The following ADGRL2 variants were observed in gnomAD, a reference collection of about 807,000 sequenced individuals.
The protein encoded by ADGRL2 is adhesion G protein-coupled receptor L2, also known as calcium-independent alpha-latrotoxin receptor 2.
Under a neutral mutation model 157.4 loss-of-function variants are expected in ADGRL2, and 44 were observed. That is an observed-to-expected ratio of 0.28 (90% CI 0.22 to 0.36). The LOEUF (loss-of-function observed/expected upper bound fraction) is 0.36. Among genes scored for constraint, ADGRL2 ranks in the 10% least tolerant of loss-of-function variants. The pLI is 1.00. For synonymous variants in ADGRL2, 585 were observed against 624.7 expected (o/e 0.94, Z 0.95); for missense variants, 1,510 against 1,768.9 (o/e 0.85, Z 2.63).
chr1:81,456,371 A>T (rs183395701), intron 2 of ADGRL2, among the ~76,000 whole-genome samples: 2 of 152,056 alleles, frequency 1.3e-5, no homozygotes, highest in East Asian at 3.9e-4. Context: ...AGTGTGTGCC[A>T]CCATATCCAG....
chr1:81,366,843 T>C (rs967076351), intron 1 of ADGRL2, among the ~76,000 whole-genome samples: 2 of 152,226 alleles, frequency 1.3e-5, no homozygotes, highest in East Asian at 3.8e-4. Flanking sequence ...GTTTTCCTGC[T>C]TCTTTGATCA....
intron 1 of ADGRL2, among the ~76,000 whole-genome samples, chr1:81,710,607 G>A (rs530693384): frequency 1.4e-5 from 2 of 138,988 alleles, no homozygotes; most frequent in African/African-American, 2.7e-5. Flanking sequence ...GTGACAGAGA[G>A]AGACTCTGCT....
chr1:81,733,728 C>G (rs567905530), intron 1 of ADGRL2, among the ~76,000 whole-genome samples: 9 of 152,228 alleles, frequency 5.9e-5, no homozygotes, highest in African/African-American at 1.9e-4. Flanking sequence ...GCTAATAGCT[C>G]TGTGCACTTG....
At chr1:81,827,171 G>A (rs1483928137) in intron 1 of ADGRL2, among the ~76,000 whole-genome samples, 1 of 152,156 alleles carries the variant, frequency 6.6e-6, no homozygotes, top group African/African-American at 2.4e-5. Flanking sequence ...AATAAGATTG[G>A]TGATGTTGGC....
chr1:81,723,915 T>G (rs1177831957), intron 1 of ADGRL2, among the ~76,000 whole-genome samples: 1 of 152,136 alleles, frequency 6.6e-6, no homozygotes, highest in Admixed American at 6.6e-5. Context: ...TATTTCCACA[T>G]AGGGGAAATG....
chr1:81,843,936 T>G (rs1478724808), intron 2 of ADGRL2, among the ~76,000 whole-genome samples: 3 of 152,106 alleles, frequency 2.0e-5, no homozygotes, highest in Admixed American at 6.6e-5. Context: ...AAAACTTTGT[T>G]TATCCACAGT....
At chr1:81,749,891 C>T (rs1008261638) in intron 1 of ADGRL2, among the ~76,000 whole-genome samples, 3 of 151,982 alleles carry the variant, frequency 2.0e-5, no homozygotes, top group Admixed American at 1.3e-4. Flanking sequence ...TTATAATTGG[C>T]CAATTTCCCT....
At chr1:81,800,851 G>A (rs1380872967), upstream of ADGRL2, among the ~76,000 whole-genome samples, 5 of 149,912 alleles carry the variant, frequency 3.3e-5, no homozygotes, top group Non-Finnish European at 7.4e-5. Flanking sequence ...GGACCTGGGG[G>A]TAGGGGGAGC....
At chr1:81,792,590 G>C (rs982462438) in intron 2 of ADGRL2, among the ~76,000 whole-genome samples, 3 of 152,110 alleles carry the variant, frequency 2.0e-5, no homozygotes, top group African/African-American at 7.2e-5. Flanking sequence ...CATTTTATAT[G>C]AAGTGGCAAA....
chr1:81,523,076 T>C (rs1228989689), intron 2 of ADGRL2, among the ~76,000 whole-genome samples: 1 of 151,956 alleles, frequency 6.6e-6, no homozygotes, highest in Non-Finnish European at 1.5e-5. Flanking sequence ...AACAAAAATA[T>C]GAGCAAACAC....
intron 2 of ADGRL2, among the ~76,000 whole-genome samples, chr1:81,779,044 G>C (rs1360169061): frequency 6.6e-6 from 1 of 151,880 alleles, no homozygotes; most frequent in African/African-American, 2.4e-5. Flanking sequence ...CCTTTATTTT[G>C]TCTTTCAATT....
intron 2 of ADGRL2, among the ~76,000 whole-genome samples, chr1:81,901,597 G>C (rs943232336): frequency 1.3e-5 from 2 of 150,632 alleles, no homozygotes; most frequent in South Asian, 2.1e-4. Context: ...TTTTTTTGAT[G>C]ATTTCTTCCC....
chr1:81,759,211 G>A (rs1048304643), intron 1 of ADGRL2, among the ~76,000 whole-genome samples: 2 of 152,044 alleles, frequency 1.3e-5, no homozygotes, highest in Admixed American at 6.6e-5. Context: ...TCCAGCTATA[G>A]AAAGCATCTT....
At chr1:81,969,143 G>A (rs781432687) in intron 14 of ADGRL2, 35 bp from the exon 15 acceptor site, 2 of 1,453,136 alleles carry the variant, frequency 1.4e-6, no homozygotes, top group Non-Finnish European at 9.6e-7. Flanking sequence ...TGTAATGCAG[G>A]AATACTAATG....
intron 2 of ADGRL2, among the ~76,000 whole-genome samples, chr1:81,463,114 C>CAAAAAAAA (rs56920139): frequency 3.2e-5 from 3 of 93,728 alleles, no homozygotes; most frequent in Admixed American, 2.3e-4. Context: ...GACCATGTCT[C>CAAAAAAAA]AAAAAAAAAA....
At chr1:81,549,932 C>T (rs549315527) in intron 2 of ADGRL2, among the ~76,000 whole-genome samples, 121 of 89,698 alleles carry the variant, frequency 1.3e-3, no homozygotes, top group African/African-American at 3.9e-3. Context: ...AGATAACCTG[C>T]TAAGATAGAA....
At chr1:81,905,464 G>T (rs1024416155) in intron 2 of ADGRL2, among the ~76,000 whole-genome samples, 1 of 152,160 alleles carries the variant, frequency 6.6e-6, no homozygotes, top group Admixed American at 6.5e-5. Context: ...TATCAAAACG[G>T]TAACACACTC....
At chr1:81,816,361 CT>C (rs1309281055) in intron 1 of ADGRL2, among the ~76,000 whole-genome samples, 2 of 151,758 alleles carry the variant, frequency 1.3e-5, no homozygotes, top group Non-Finnish European at 3.0e-5. Flanking sequence ...CATTTTTGCA[CT>C]ATTCTTAAGA....
rs752470806 is a variant in ADGRL2 at position 81,985,335 on chromosome 1, G to A, written c.3488G>A (p.Ser1163Asn). Residue 1163 changes from serine to asparagine, a missense_variant, in exon 21 of 24, where the codon AGC becomes AAC. Transcript: ENST00000686636. ...TCTTTTATCTCAGGTGACATCAATA[G>A]CACTTCAACACTTAATCAAGGTCAG... ...ESSFISGDIN[S>N]TSTLNQGMTG... 7 of 1,600,578 alleles carry A rather than the reference G, an allele frequency of 4.4e-6. No homozygotes were observed. Among genetic ancestry groups the A allele is most frequent in the South Asian group, 2.2e-5 (2 of 90,082 alleles).
Sources: gnomAD v4.1 joint callset for allele counts (sites outside exome capture counted in the v4.1 genomes callset) on GRCh38, gnomAD v4.1.1 for gene constraint, MANE v1.5 for transcripts, NCBI Gene and HGNC (gene_info 2026-07-23, HGNC 2026-07-21) for gene names.